The following ZMYM2 variants were observed in gnomAD, a reference collection of about 807,000 sequenced individuals.
ZMYM2 encodes zinc finger MYM-type containing 2, also known as zinc finger MYM-type protein 2.
ZMYM2 carries 56 observed loss-of-function variants against 162.8 expected under a neutral mutation model. That is an observed-to-expected ratio of 0.34 (90% CI 0.28 to 0.43). The LOEUF (loss-of-function observed/expected upper bound fraction) is 0.43. Ranked by LOEUF, ZMYM2 falls within the 20% of genes least tolerant of loss-of-function variation. The probability of loss-of-function intolerance (pLI) is 1.00; values close to 1 mark genes in which losing one functional copy is unlikely to be tolerated. For missense variants in ZMYM2, 1,275 were observed against 1,621.8 expected (o/e 0.79, Z 3.67); for synonymous variants, 510 against 541.6 (o/e 0.94, Z 0.81).
At chr13:19,878,724 G>C in the ZMYM2 span, among the ~76,000 whole-genome samples, 1 of 152,054 alleles carries the variant, frequency 6.6e-6, no homozygotes, top group African/African-American at 2.4e-5. Flanking sequence ...GTTTCACCAT[G>C]TTGGTCAGGC....
the ZMYM2 span, among the ~76,000 whole-genome samples, chr13:19,951,124 T>C: frequency 6.6e-6 from 1 of 152,158 alleles, no homozygotes. Flanking sequence ...AGCCAAAAGA[T>C]TGGACACCCA....
chr13:19,961,089 T>C (rs954799793), intron 2 of ZMYM2, among the ~76,000 whole-genome samples: 1 of 152,128 alleles, frequency 6.6e-6, no homozygotes, highest in Non-Finnish European at 1.5e-5. Flanking sequence ...TATTGAGCCC[T>C]TATTGTATGC....
the ZMYM2 span, among the ~76,000 whole-genome samples, chr13:19,898,934 T>TC: frequency 5.0e-3 from 690 of 138,990 alleles, 4 homozygotes; most frequent in African/African-American, 0.018. Context: ...CCCCACTTCT[T>TC]TTTTTTTTTT....
the ZMYM2 span, among the ~76,000 whole-genome samples, chr13:19,936,466 A>C: frequency 6.6e-6 from 1 of 152,208 alleles, no homozygotes; most frequent in South Asian, 2.1e-4. Context: ...TCTTGCCTGT[A>C]ATCCCAGCAC....
chr13:20,031,685 A>G (rs548489680), intron 10 of ZMYM2, among the ~76,000 whole-genome samples: 1 of 152,120 alleles, frequency 6.6e-6, no homozygotes, highest in African/African-American at 2.4e-5. Context: ...AATAGTGTAC[A>G]GAATGTCACT....
At chr13:19,878,444 T>C in the ZMYM2 span, among the ~76,000 whole-genome samples, 1 of 152,126 alleles carries the variant, frequency 6.6e-6, no homozygotes, top group Non-Finnish European at 1.5e-5. Flanking sequence ...ATTAGAGATG[T>C]CGAGCATCTT....
chr13:19,876,719 G>A, the ZMYM2 span, among the ~76,000 whole-genome samples: 4,931 of 152,226 alleles, frequency 0.032, 89 homozygotes, highest in Middle Eastern at 0.078. Context: ...CATTCATATT[G>A]TTGTGTAACC....
At chr13:20,026,836 G>T in intron 8 of ZMYM2, 74 bp downstream of exon 8, 1 of 1,420,252 alleles carries the variant, frequency 7.0e-7, no homozygotes, top group East Asian at 2.5e-5. Context: ...CTCATTTGAT[G>T]TTTTTATGCT....
chr13:20,068,459 CAG>C (rs1019136722), intron 21 of ZMYM2: 2 of 158,550 alleles, frequency 1.3e-5, no homozygotes, highest in Admixed American at 6.5e-5. Context: ...TAAACAAGTA[CAG>C]AGTGTTTACC....
At chr13:20,038,522 T>C (rs1374750921) in intron 12 of ZMYM2, among the ~76,000 whole-genome samples, 2 of 152,212 alleles carry the variant, frequency 1.3e-5, no homozygotes, top group Non-Finnish European at 2.9e-5. Flanking sequence ...GTTGATTGAA[T>C]AGGGAATCCT....
chr13:19,911,433 A>G, the ZMYM2 span, among the ~76,000 whole-genome samples: 1 of 152,208 alleles, frequency 6.6e-6, no homozygotes, highest in Non-Finnish European at 1.5e-5. Flanking sequence ...ACCTTGAGGA[A>G]GAAACTTGGT....
intron 7 of ZMYM2, chr13:20,024,541 C>G (rs1952405365): frequency 4.5e-6 from 1 of 222,904 alleles, no homozygotes; most frequent in Non-Finnish European, 9.0e-6. Flanking sequence ...TGCAAACTTG[C>G]AACATAGTGG....
chr13:19,871,944 G>A, the ZMYM2 span, among the ~76,000 whole-genome samples: 2 of 151,902 alleles, frequency 1.3e-5, no homozygotes, highest in African/African-American at 4.8e-5. Context: ...AAAATTTTAA[G>A]CAGACTCATG....
chr13:19,972,728 A>C (rs1329575246), intron 2 of ZMYM2, among the ~76,000 whole-genome samples: 3 of 151,982 alleles, frequency 2.0e-5, no homozygotes, highest in African/African-American at 4.8e-5. Context: ...TATGCATATT[A>C]TATATTTTAA....
intron 2 of ZMYM2, among the ~76,000 whole-genome samples, chr13:19,978,497 A>G (rs1956989291): frequency 1.3e-5 from 2 of 151,974 alleles, no homozygotes; most frequent in South Asian, 4.2e-4. Flanking sequence ...GCTCACCACA[A>G]CGTCCGCCTC....
intron 2 of ZMYM2, among the ~76,000 whole-genome samples, chr13:19,992,313 G>C (rs1465945097): frequency 1.3e-5 from 2 of 152,212 alleles, no homozygotes; most frequent in Non-Finnish European, 2.9e-5. Context: ...AGCACTTTGG[G>C]AGGCTGAGGC....
the ZMYM2 span, among the ~76,000 whole-genome samples, chr13:19,944,489 A>T: frequency 6.6e-6 from 1 of 152,342 alleles, no homozygotes; most frequent in African/African-American, 2.4e-5. Flanking sequence ...GAATTAAAAA[A>T]AAAGTTGTAG....
chr13:19,976,389 A>G (rs1956795094), intron 2 of ZMYM2, among the ~76,000 whole-genome samples: 1 of 151,856 alleles, frequency 6.6e-6, no homozygotes, highest in Admixed American at 6.6e-5. Flanking sequence ...GTGAAATGGT[A>G]CTTTTTTTTT....
the ZMYM2 span, among the ~76,000 whole-genome samples, chr13:19,893,946 A>G: frequency 6.6e-6 from 1 of 151,860 alleles, no homozygotes; most frequent in African/African-American, 2.4e-5. Flanking sequence ...GCTTCAAGAC[A>G]TAATTTCTGA....
Sources: gnomAD v4.1 joint callset for allele counts (sites outside exome capture counted in the v4.1 genomes callset) on GRCh38, gnomAD v4.1.1 for gene constraint, MANE v1.5 for transcripts, NCBI Gene and HGNC (gene_info 2026-07-23, HGNC 2026-07-21) for gene names.